Variants in GPHN observed in about 807,000 individuals in gnomAD.
GPHN encodes gephyrin.
A neutral mutation model predicts 95.5 loss-of-function variants in GPHN; 17 were observed. The ratio of observed to expected loss-of-function variants is 0.18; its 90% confidence interval spans 0.12 to 0.27. GPHN has a LOEUF of 0.27. Ranked by LOEUF, GPHN falls within the 10% of genes least tolerant of loss-of-function variation. The pLI, the probability that GPHN is intolerant of heterozygous loss-of-function variation, is 1.00. For missense variants in GPHN, 660 were observed against 978.1 expected, an observed-to-expected ratio of 0.67 and a Z score of 4.34; for synonymous variants, 320 against 322.5, an observed-to-expected ratio of 0.99 and a Z score of 0.08.
chr14:67,010,032 T>C (rs2072879188), intron 9 of GPHN, among the ~76,000 whole-genome samples: 1 of 151,958 alleles, frequency 6.6e-6, no homozygotes, highest in South Asian at 2.1e-4. Context: ...GTGCTGGGAT[T>C]ACAGACGTGA....
intron 8 of GPHN, among the ~76,000 whole-genome samples, chr14:66,924,609 A>G (rs1454639853): frequency 1.3e-5 from 2 of 152,206 alleles, no homozygotes; most frequent in Admixed American, 6.5e-5. Flanking sequence ...CTTTAAATAA[A>G]TTGCCTGGCT....
the GPHN span, among the ~76,000 whole-genome samples, chr14:67,245,760 A>G: frequency 2.0e-5 from 3 of 152,220 alleles, no homozygotes; most frequent in African/African-American, 4.8e-5. Flanking sequence ...CTTTTGAAGT[A>G]TAGAATTTTA....
chr14:67,499,150 A>G, the GPHN span, among the ~76,000 whole-genome samples: 1 of 152,066 alleles, frequency 6.6e-6, no homozygotes, highest in African/African-American at 2.4e-5. Context: ...CTACAGGCAC[A>G]TGGCACAACA....
chr14:67,733,287 G>A, the GPHN span, among the ~76,000 whole-genome samples: 1 of 152,142 alleles, frequency 6.6e-6, no homozygotes, highest in Non-Finnish European at 1.5e-5. Context: ...AATTCAAGAG[G>A]CCTGTGAACT....
At chr14:66,577,125 AGGTG>A (rs1273623558) in intron 1 of GPHN, among the ~76,000 whole-genome samples, 1 of 152,202 alleles carries the variant, frequency 6.6e-6, no homozygotes, top group Non-Finnish European at 1.5e-5. Flanking sequence ...GTAGGTCTAA[AGGTG>A]GGACCTGAGA....
At chr14:67,274,064 C>T in the GPHN span, among the ~76,000 whole-genome samples, 5 of 152,254 alleles carry the variant, frequency 3.3e-5, no homozygotes, top group South Asian at 2.1e-4. Context: ...TTCTCCCATT[C>T]TGTAGGTTGC....
In GPHN at chr14:66,562,289, A is replaced by G. The variant is rs184477621; in HGVS notation, c.64+53698A>G. 6.6e-5 allele frequency among the ~76,000 whole-genome samples: 10 copies of G among 152,292 alleles called. No individual in the cohort carries two copies. The East Asian group carries it at 1.7e-3, about 26-fold the overall frequency. Reference sequence around the variant, plus strand: ...TTCAGTGTGATGACTCTAGTATTGTATACTTGAAAATTATTCAGACAGTAG... The same window carrying G: ...TTCAGTGTGATGACTCTAGTATTGTGTACTTGAAAATTATTCAGACAGTAG... On this transcript the variant is annotated intron_variant, in intron 1 of 22. Transcript: ENST00000478722.
At chr14:67,097,250 A>G (rs973756889) in intron 12 of GPHN, among the ~76,000 whole-genome samples, 3 of 152,212 alleles carry the variant, frequency 2.0e-5, no homozygotes, top group Non-Finnish European at 2.9e-5. Context: ...AGAAGATGAC[A>G]CTTGAGCTGA....
intron 5 of GPHN, among the ~76,000 whole-genome samples, chr14:66,898,872 C>T (rs2064993714): frequency 6.6e-6 from 1 of 151,836 alleles, no homozygotes; most frequent in South Asian, 2.1e-4. Flanking sequence ...TATGTCTCTT[C>T]CTTTAGATTG....
the GPHN span, among the ~76,000 whole-genome samples, chr14:67,424,335 G>A: frequency 6.6e-5 from 10 of 151,720 alleles, no homozygotes; most frequent in Non-Finnish European, 1.2e-4. Flanking sequence ...AGAATGAAGT[G>A]TGCCAGGCAC....
the GPHN span, among the ~76,000 whole-genome samples, chr14:67,249,787 C>T: frequency 1.3e-5 from 2 of 152,040 alleles, no homozygotes; most frequent in Admixed American, 1.3e-4. Context: ...ACTTAAAATA[C>T]ATTATTTTGT....
chr14:67,030,869 A>G (rs905507306), intron 10 of GPHN, among the ~76,000 whole-genome samples: 7 of 152,192 alleles, frequency 4.6e-5, no homozygotes, highest in Admixed American at 3.3e-4. Flanking sequence ...AATAAATGAG[A>G]GGAAGACCTT....
chr14:66,758,825 C>A (rs918527483), intron 2 of GPHN, among the ~76,000 whole-genome samples: 1 of 152,146 alleles, frequency 6.6e-6, no homozygotes, highest in Non-Finnish European at 1.5e-5. Flanking sequence ...TTACTTTACC[C>A]ATCCCTCTGT....
At chr14:67,671,018 T>C in the GPHN span, among the ~76,000 whole-genome samples, 2 of 152,244 alleles carry the variant, frequency 1.3e-5, no homozygotes, top group Non-Finnish European at 2.9e-5. Context: ...CTGAAAACTT[T>C]ATGATGTGGT....
chr14:67,410,015 C>T, the GPHN span, among the ~76,000 whole-genome samples: 1,814 of 152,218 alleles, frequency 0.012, 16 homozygotes, highest in Non-Finnish European at 0.018. Flanking sequence ...GTCTTTGGGT[C>T]TGGCTGGAAT....
At chr14:67,508,761 A>AAAAAAAAAAAAAAAAAAC in the GPHN span, among the ~76,000 whole-genome samples, 2 of 149,624 alleles carry the variant, frequency 1.3e-5, no homozygotes, top group African/African-American at 2.4e-5. Context: ...CTCAAAAAAA[A>AAAAAAAAAAAAAAAAAAC]AAAAAAAAAA....
intron 1 of GPHN, among the ~76,000 whole-genome samples, chr14:66,601,915 T>C (rs1845927427): frequency 6.6e-6 from 1 of 151,968 alleles, no homozygotes; most frequent in African/African-American, 2.4e-5. Context: ...TAAGAGGGAA[T>C]ATTTTAAACC....
the GPHN span, among the ~76,000 whole-genome samples, chr14:67,563,731 CT>C: frequency 0.73 from 63,554 of 86,724 alleles, 23,022 homozygotes; most frequent in Non-Finnish European, 0.79. Flanking sequence ...CTGAGCCTGG[CT>C]TTTTTTTTTT....
At chr14:67,102,283 T>G (rs1192439071) in intron 13 of GPHN, among the ~76,000 whole-genome samples, 4 of 152,138 alleles carry the variant, frequency 2.6e-5, no homozygotes, top group African/African-American at 9.7e-5. Flanking sequence ...ACCAAAGAAC[T>G]TTTTTCCTTT....
Sources: gnomAD v4.1 joint callset for allele counts (sites outside exome capture counted in the v4.1 genomes callset) on GRCh38, gnomAD v4.1.1 for gene constraint, MANE v1.5 for transcripts, NCBI Gene and HGNC (gene_info 2026-07-23, HGNC 2026-07-21) for gene names.